The following HABP2 variants were observed in gnomAD, a reference collection of about 807,000 sequenced individuals.
HABP2 encodes the protein hyaluronan binding protein 2, also known as factor VII-activating protease.
A neutral mutation model predicts 66.5 loss-of-function variants in HABP2; 65 were observed. The ratio of observed to expected loss-of-function variants is 0.98; its 90% CI spans 0.80 to 1.20. HABP2 has a LOEUF of 1.20. Among genes scored for constraint, HABP2 ranks in the 50% most tolerant of loss-of-function variants. HABP2 has a pLI of 0.00. For synonymous variants in HABP2, 263 were observed against 253.9 expected, an observed-to-expected ratio of 1.04 and a Z score of -0.34; for missense variants, 786 against 691.0, an observed-to-expected ratio of 1.14 and a Z score of -1.54.
At chr10:113,583,502 G>A (rs2133782927) in intron 10 of HABP2, 144 bp downstream of exon 10, 1 of 711,690 alleles carries the variant, frequency 1.4e-6, no homozygotes, top group Admixed American at 2.7e-5. Context: ...TGTATTCCAG[G>A]GATTTTTAGT....
At chr10:113,568,877 C>T (rs1263878746) in intron 2 of HABP2, among the ~76,000 whole-genome samples, 1 of 152,160 alleles carries the variant, frequency 6.6e-6, no homozygotes, top group African/African-American at 2.4e-5. Context: ...TGCCAGCTGC[C>T]AGAAAGTTGT....
chr10:113,584,102 C>G, intron 10 of HABP2, 46 bp from the exon 11 acceptor site: 1 of 1,591,208 alleles, frequency 6.3e-7, no homozygotes, highest in East Asian at 2.2e-5. Context: ...GCTTCTCTGA[C>G]AAAGAGGTGA....
rs1169609462 is a variant in HABP2 at position 113,578,043 on chromosome 10, C to G, written c.466C>G (p.Pro156Ala). 1.2e-6 allele frequency: 2 copies of G among 1,614,016 alleles called. No individual in the cohort carries two copies. Among genetic ancestry groups the G allele is most frequent in the African/African-American group, 2.7e-5 (2 of 74,934 alleles). The change falls in exon 6 of 13, where the codon CCA (proline) becomes GCA (alanine). Residue 156 changes from proline (P) to alanine (A), a missense_variant. By Grantham distance (27) the Pro-to-Ala change is conservative. Transcript: ENST00000351270. ...GTTCACAGTGGTTCCTGTATGCAGG[C>G]CAAACCCCTGCCAGAATGGGGCTAC... The part of the protein sequence containing the change: ...SCSQVVPVCR[P>A]NPCQNGATCS...
upstream of HABP2, among the ~76,000 whole-genome samples, chr10:113,551,970 T>G (rs971542416): frequency 6.6e-6 from 1 of 151,862 alleles, no homozygotes; most frequent in African/African-American, 2.4e-5. Flanking sequence ...GAAAATAATG[T>G]GGAAGTCATT....
intron 1 of HABP2, among the ~76,000 whole-genome samples, chr10:113,563,408 C>G (rs1005711649): frequency 2.0e-5 from 3 of 152,158 alleles, no homozygotes; most frequent in Non-Finnish European, 2.9e-5. Flanking sequence ...CCCTAAATAT[C>G]CAGCCAGGTG....
At chr10:113,568,033 C>A (rs751130781) in intron 2 of HABP2, among the ~76,000 whole-genome samples, 1 of 152,252 alleles carries the variant, frequency 6.6e-6, no homozygotes, top group African/African-American at 2.4e-5. Flanking sequence ...TCAGGCTCGA[C>A]GCGTCTACCA....
Position 113,585,793 on chromosome 10 carries a change from G to A in HABP2, c.1373G>A (p.Gly458Glu). The A allele has an allele frequency of 6.2e-7, 1 of 1,613,374 alleles. No homozygotes were observed. Among genetic ancestry groups the A allele is most frequent in the Non-Finnish European group, 8.5e-7 (1 of 1,179,334 alleles). Residue 458 changes from glycine to glutamate, a missense_variant and splice_region_variant, in exon 12 of 13, where the codon GGA becomes GAA. Transcript: ENST00000351270. ...HISGWGVTET[G>E]KGSRQLLDAK... is the part of the protein sequence containing the mutation. Reference sequence around the variant, plus strand: ...TCTTTTCTCTGCACCTTCCCCACAGGAAAAGGGTCCCGCCAGCTCCTGGAT... The same window carrying A: ...TCTTTTCTCTGCACCTTCCCCACAGAAAAAGGGTCCCGCCAGCTCCTGGAT...
intron 2 of HABP2, among the ~76,000 whole-genome samples, chr10:113,569,217 C>T (rs1845257572): frequency 6.6e-6 from 1 of 152,136 alleles, no homozygotes; most frequent in Non-Finnish European, 1.5e-5. Flanking sequence ...TTTAATTTAA[C>T]CCTCAAGAAA....
Position 113,588,308 on chromosome 10 carries a change from C to T in HABP2, c.1622C>T (p.Thr541Ile), listed in dbSNP as rs1845701211. Residue 541 changes from threonine (T) to isoleucine (I), a missense_variant, in exon 13 of 13, where the codon ACC (threonine) becomes ATC (isoleucine). Transcript: ENST00000351270. ...TGTGGGAAGAGGCCAGGGGTCTACA[C>T]CCAAGTTACCAAATTCCTGAATTGG... ...LECGKRPGVY[T>I]QVTKFLNWIK... 1.2e-6 allele frequency: 2 copies of T among 1,613,584 alleles called. No homozygotes were observed. Among genetic ancestry groups the T allele is most frequent in the African/African-American group, 1.3e-5 (1 of 74,884 alleles).
At chr10:113,581,517 T>C (rs1240157135) in intron 8 of HABP2, among the ~76,000 whole-genome samples, 1 of 152,246 alleles carries the variant, frequency 6.6e-6, no homozygotes. Context: ...GGTGCATTGA[T>C]GATGCACATT....
At chr10:113,587,734 G>A (rs570031201) in intron 12 of HABP2, among the ~76,000 whole-genome samples, 9 of 152,164 alleles carry the variant, frequency 5.9e-5, no homozygotes, top group African/African-American at 2.2e-4. Flanking sequence ...TGGGGGATGG[G>A]GATCTATTGC....
intron 6 of HABP2, 29 bp from the exon 7 acceptor site, chr10:113,578,598 T>C: frequency 1.9e-6 from 3 of 1,571,864 alleles, no homozygotes; most frequent in Non-Finnish European, 2.6e-6. Flanking sequence ...TGGCTGTTGG[T>C]TCTCACATTG....
intron 2 of HABP2, among the ~76,000 whole-genome samples, chr10:113,567,743 G>A (rs75016536): frequency 6.6e-6 from 1 of 152,192 alleles, no homozygotes; most frequent in African/African-American, 2.4e-5. Context: ...CCCAGGCTCA[G>A]GATCCCAAGG....
At chr10:113,576,080 G>A in intron 4 of HABP2, 76 bp downstream of exon 4, 2 of 837,362 alleles carry the variant, frequency 2.4e-6, no homozygotes, top group Admixed American at 3.5e-5. Flanking sequence ...AGAAAGCACT[G>A]CGCAATGCCA....
At chr10:113,570,730 C>A (rs7082648) in intron 2 of HABP2, among the ~76,000 whole-genome samples, 7 of 152,202 alleles carry the variant, frequency 4.6e-5, no homozygotes, top group Non-Finnish European at 1.0e-4. Flanking sequence ...AAGCAGACAC[C>A]ATTTTTTTAG....
rs1237760033 is a variant in HABP2 at position 113,564,594 on chromosome 10, AAAT to A, written c.70-2894_70-2892del. Among the ~76,000 whole-genome samples, 3 of 152,152 alleles carry A rather than the reference AAAT, an allele frequency of 2.0e-5. No individual in the cohort carries two copies. In the East Asian group the frequency reaches 5.8e-4, roughly 29 times the overall value. ...AGACAGAGGCACAGTCCCCGATAAC[AAAT>A]GACCTCTCTTCCTTTTTTTGCATTC... is the stretch of plus-strand genomic sequence containing the variant. On this transcript the variant is annotated intron_variant, in intron 1 of 12. Coordinates refer to ENST00000351270, the MANE Select transcript of HABP2 (RefSeq NM_004132.5).
rs1435976390 is a variant in HABP2, at chr10:113,589,106, T to A, written c.*737T>A. On this transcript the variant is annotated 3_prime_UTR_variant, in exon 13 of 13. Transcript: ENST00000351270. ...TGCTGAAATCAAACATACCCCAAGT[T>A]AAAATGAAGCTCCCCCACCCCCACT... 6.3e-7 allele frequency: 1 copy of A among 1,593,982 alleles called. No homozygotes were observed. The highest frequency in any genetic ancestry group is 1.3e-5 in the African/African-American group (1 of 74,436).
chr10:113,564,839 C>T (rs563173122), intron 1 of HABP2, among the ~76,000 whole-genome samples: 5 of 132,576 alleles, frequency 3.8e-5, no homozygotes, highest in Non-Finnish European at 6.3e-5. Context: ...TACCTCACCA[C>T]GCATCTCTCT....
Position 113,578,763 on chromosome 10 carries a change from T to C in HABP2, c.705T>C (p.Ala235=). The C allele has an allele frequency of 6.2e-7, 1 of 1,612,620 alleles. No homozygotes were observed. Among genetic ancestry groups the C allele is most frequent in the Non-Finnish European group, 8.5e-7 (1 of 1,178,602 alleles). ...QENYNMFMED[A]ETHGIGEHNF... ...ATTACAACATGTTTATGGAGGATGC[T>C]GAAACCCATGGGATTGGGGAACACA... Residue 235 remains alanine (A), a synonymous_variant, in exon 7 of 13, where the codon GCT becomes GCC. Transcript: ENST00000351270.
Sources: gnomAD v4.1 joint callset for allele counts (sites outside exome capture counted in the v4.1 genomes callset) on GRCh38, gnomAD v4.1.1 for gene constraint, MANE v1.5 for transcripts, NCBI Gene and HGNC (gene_info 2026-07-23, HGNC 2026-07-21) for gene names.